The following UBE3D variants were observed in gnomAD, a reference collection of about 807,000 sequenced individuals.
The protein encoded by UBE3D is E3 ubiquitin-protein ligase E3D.
Under a neutral mutation model 49.6 loss-of-function variants are expected in UBE3D, and 48 were observed. The ratio of observed to expected loss-of-function variants is 0.97; its 90% CI spans 0.77 to 1.23. The LOEUF is 1.23. UBE3D is among the 50% of genes most tolerant of loss of function. UBE3D has a pLI of 0.00. For missense variants in UBE3D, 452 were observed against 468.4 expected (o/e 0.96, Z 0.32); for synonymous variants, 189 against 174.2 (o/e 1.08, Z -0.67).
At chr6:82,910,735 A>G (rs1192375206) in intron 9 of UBE3D, among the ~76,000 whole-genome samples, 1 of 152,188 alleles carries the variant, frequency 6.6e-6, no homozygotes, top group Non-Finnish European at 1.5e-5. Context: ...AATTAGAATT[A>G]GGTGATACAT....
intron 9 of UBE3D, among the ~76,000 whole-genome samples, chr6:82,899,731 T>C (rs181483169): frequency 2.2e-3 from 335 of 152,328 alleles, no homozygotes; most frequent in Non-Finnish European, 3.9e-3. Context: ...GAACTTCTCC[T>C]CACTTCTTTT....
intron 9 of UBE3D, among the ~76,000 whole-genome samples, chr6:82,917,310 C>G (rs1263432068): frequency 6.6e-6 from 1 of 151,942 alleles, no homozygotes; most frequent in African/African-American, 2.4e-5. Context: ...GGGGGAAGCC[C>G]CTGAGAAAAG....
intron 9 of UBE3D, among the ~76,000 whole-genome samples, chr6:82,944,082 C>T (rs1775224803): frequency 6.6e-6 from 1 of 151,952 alleles, no homozygotes; most frequent in African/African-American, 2.4e-5. Context: ...CTGAGCTGGG[C>T]TTGGAGCAAG....
At chr6:82,906,137 A>C (rs1562069819) in intron 9 of UBE3D, among the ~76,000 whole-genome samples, 1 of 150,318 alleles carries the variant, frequency 6.7e-6, no homozygotes, top group East Asian at 1.9e-4. Flanking sequence ...TAGCTCATAC[A>C]TTTTTTTTTT....
chr6:82,892,323 C>T (rs1017113380), downstream of UBE3D: 1 of 153,802 alleles, frequency 6.5e-6, no homozygotes, highest in Non-Finnish European at 1.4e-5. Flanking sequence ...TTCCCTGTAG[C>T]TCTATCCTTC....
chr6:83,020,482 G>A (rs1488403540), intron 7 of UBE3D, among the ~76,000 whole-genome samples: 3 of 151,968 alleles, frequency 2.0e-5, no homozygotes, highest in Admixed American at 2.0e-4. Flanking sequence ...ATATAGCAAG[G>A]CAGGAAAGGG....
intron 9 of UBE3D, among the ~76,000 whole-genome samples, chr6:82,904,511 C>T (rs1016229869): frequency 6.6e-6 from 1 of 152,194 alleles, no homozygotes; most frequent in Non-Finnish European, 1.5e-5. Context: ...CCTTAGCTCC[C>T]TCCAGTTCTG....
chr6:83,051,074 A>G (rs1016839231), intron 3 of UBE3D, among the ~76,000 whole-genome samples: 2 of 152,236 alleles, frequency 1.3e-5, no homozygotes, highest in African/African-American at 2.4e-5. Context: ...AGCAATCTGG[A>G]AAAGGGGGTA....
intron 2 of UBE3D, among the ~76,000 whole-genome samples, chr6:83,056,089 A>G (rs1409929593): frequency 1.3e-5 from 2 of 152,256 alleles, no homozygotes; most frequent in South Asian, 2.1e-4. Context: ...ACAATATGCA[A>G]ATCAGCACAT....
At chr6:82,944,004 G>A (rs1048572456) in intron 9 of UBE3D, among the ~76,000 whole-genome samples, 3 of 152,030 alleles carry the variant, frequency 2.0e-5, no homozygotes, top group Non-Finnish European at 4.4e-5. Flanking sequence ...GTTACTGTGG[G>A]CTGAAGTGCT....
chr6:82,993,116 G>A lies in UBE3D; in HGVS notation c.1010+25857C>T, dbSNP rs149842144. Among the ~76,000 whole-genome samples, 199 of 151,588 alleles carry A rather than the reference G, an allele frequency of 1.3e-3. 1 individual carries two copies. Among genetic ancestry groups the A allele is most frequent in the African/African-American group, 4.5e-3 (184 of 41,190 alleles). ...TTGTGACAGAGAAAGAAACGGGGTC[G>A]GGGGGGAGAGAGAGAGAGAGAGAGA... On this transcript the variant is annotated intron_variant, in intron 8 of 9. Coordinates refer to ENST00000369747, the MANE Select transcript of UBE3D (RefSeq NM_198920.3).
rs1022677140 is a variant in UBE3D at position 82,927,451 on chromosome 6, GT to G, written c.1149+29860del. On this transcript the variant is annotated intron_variant, in intron 9 of 9. Transcript: ENST00000369747. ...GGAATCTATGGGTTGGGAATCTAGA[GT>G]TAGAAAGAAGTGACATCCTGACCAC... Among the ~76,000 whole-genome samples the G allele has an allele frequency of 7.5e-4, 114 of 152,112 alleles. 1 individual carries two copies. Among genetic ancestry groups the G allele is most frequent in the Middle Eastern group, 3.4e-3 (1 of 294 alleles).
At chr6:83,040,403 C>CTATA (rs1179798128) in intron 4 of UBE3D, among the ~76,000 whole-genome samples, 3 of 83,532 alleles carry the variant, frequency 3.6e-5, no homozygotes, top group Non-Finnish European at 5.2e-5. Flanking sequence ...CTCTCTCTCT[C>CTATA]TATATATATA....
chr6:83,012,100 G>A (rs1418157390), intron 8 of UBE3D, among the ~76,000 whole-genome samples: 1 of 152,182 alleles, frequency 6.6e-6, no homozygotes, highest in Admixed American at 6.5e-5. Context: ...TGAGCCCACT[G>A]CTGCACTTCT....
chr6:83,008,574 T>A (rs1472307327), intron 8 of UBE3D, among the ~76,000 whole-genome samples: 3 of 152,086 alleles, frequency 2.0e-5, no homozygotes, highest in African/African-American at 7.2e-5. Flanking sequence ...GAAGGAACAC[T>A]CTAAAAATAT....
intron 8 of UBE3D, among the ~76,000 whole-genome samples, chr6:83,008,864 G>C (rs1780161375): frequency 6.6e-6 from 1 of 152,188 alleles, no homozygotes; most frequent in African/African-American, 2.4e-5. Flanking sequence ...CTCGGGGGCA[G>C]AGAGTCAAAC....
chr6:82,989,934 T>C (rs1778773625), intron 8 of UBE3D, among the ~76,000 whole-genome samples: 1 of 152,198 alleles, frequency 6.6e-6, no homozygotes. Context: ...TTTTAGAAAC[T>C]GGTGAAAGTT....
At chr6:83,042,155 G>T (rs559483260) in intron 4 of UBE3D, among the ~76,000 whole-genome samples, 2 of 152,166 alleles carry the variant, frequency 1.3e-5, no homozygotes, top group Middle Eastern at 3.4e-3. Context: ...TGATCCACCC[G>T]CCTCAACCTC....
At chr6:83,003,720 T>C (rs1779786718) in intron 8 of UBE3D, among the ~76,000 whole-genome samples, 1 of 152,206 alleles carries the variant, frequency 6.6e-6, no homozygotes, top group Non-Finnish European at 1.5e-5. Context: ...TATCTAAACA[T>C]ATCTAAACAC....
Sources: gnomAD v4.1 joint callset for allele counts (sites outside exome capture counted in the v4.1 genomes callset) on GRCh38, gnomAD v4.1.1 for gene constraint, MANE v1.5 for transcripts, NCBI Gene and HGNC (gene_info 2026-07-23, HGNC 2026-07-21) for gene names.